CASP2: variants seen among roughly 807,000 people sequenced by gnomAD.
CASP2 encodes caspase-2.
CASP2 carries 38 observed loss-of-function variants against 54.4 expected under a neutral mutation model. That is an observed-to-expected ratio of 0.70 (90% CI 0.54 to 0.92). CASP2 has a LOEUF of 0.92. Among genes scored for constraint, CASP2 ranks in the 40% least tolerant of loss-of-function variants. The probability of loss-of-function intolerance (pLI) is 0.00; values close to 1 mark genes in which losing one functional copy is unlikely to be tolerated. For missense variants in CASP2, 512 were observed against 579.6 expected, an observed-to-expected ratio of 0.88 and a Z score of 1.20; for synonymous variants, 215 against 216.3, an observed-to-expected ratio of 0.99 and a Z score of 0.05.
chr7:143,295,028 CTT>C (rs759124235), intron 6 of CASP2, among the ~76,000 whole-genome samples: 39 of 142,348 alleles, frequency 2.7e-4, no homozygotes, highest in Admixed American at 4.2e-4. Context: ...TGGTGTCTCA[CTT>C]TTTTTTTTTT....
chr7:143,291,536 G>A lies in CASP2; in HGVS notation c.75-4G>A, dbSNP rs771123359. 4 of 1,613,940 alleles carry A rather than the reference G, an allele frequency of 2.5e-6. No homozygotes were observed. The highest frequency in any genetic ancestry group is 3.4e-6 in the Non-Finnish European group (4 of 1,179,938). On this transcript the variant is annotated splice_region_variant and splice_polypyrimidine_tract_variant and intron_variant, in intron 1 of 10. Coordinates refer to ENST00000310447, the MANE Select transcript of CASP2 (RefSeq NM_032982.4). ...CAGCCTTTCCTTCTACCGTTTATCT[G>A]TAGGATATTGGGAGTGTGTGGCATG...
chr7:143,291,365 T>C (rs2116763250), intron 1 of CASP2, among the ~76,000 whole-genome samples, 175 bp from the exon 2 acceptor site: 1 of 152,374 alleles, frequency 6.6e-6, no homozygotes, highest in African/African-American at 2.4e-5. Context: ...TATTTTCTTA[T>C]GATCAATGTG....
Position 143,292,687 on chromosome 7 carries a change from G to C in CASP2, c.464G>C (p.Arg155Pro). The change falls in exon 4 of 11, where the codon CGC becomes CCC. Residue 155 changes from arginine to proline, a missense_variant. Arg to Pro is a moderately radical substitution (Grantham distance 103). Around this residue, in one of 3 missense-constraint regions of CASP2, gnomAD observed 417 missense variants for 495.4 expected, o/e 0.84. Transcript: ENST00000310447. ...CESCPLYKKL[R>P]LSTDTVEHSL... ...TCCTGTCCCCTTTACAAGAAGCTCC[G>C]CCTGTCGACAGGTGAGAATTGATGG... is the stretch of plus-strand genomic sequence containing the variant. 1 of 1,612,418 alleles carries C rather than the reference G, an allele frequency of 6.2e-7. No individual in the cohort carries two copies. The highest frequency in any genetic ancestry group is 1.3e-5 in the African/African-American group (1 of 74,982).
intron 4 of CASP2, chr7:143,293,211 T>C (rs1196781103): frequency 9.7e-6 from 6 of 617,108 alleles, no homozygotes; most frequent in East Asian, 8.6e-5. Context: ...CACTGCAGCG[T>C]TGAACTCCTG....
intron 4 of CASP2, among the ~76,000 whole-genome samples, chr7:143,293,923 A>C (rs1449275905): frequency 6.6e-6 from 1 of 152,214 alleles, no homozygotes; most frequent in Non-Finnish European, 1.5e-5. Flanking sequence ...CTGAATAAGA[A>C]AAGACTACAT....
At chr7:143,296,315 C>T (rs1399035356) in intron 6 of CASP2, among the ~76,000 whole-genome samples, 1 of 152,144 alleles carries the variant, frequency 6.6e-6, no homozygotes, top group African/African-American at 2.4e-5. Flanking sequence ...TAATGGGGGA[C>T]TATGTGAGCT....
At chr7:143,289,152 T>C (rs1168908951) in intron 1 of CASP2, among the ~76,000 whole-genome samples, 2 of 152,174 alleles carry the variant, frequency 1.3e-5, no homozygotes, top group African/African-American at 2.4e-5. Flanking sequence ...TGCCTCCTGC[T>C]CGAGACTGAA....
intron 1 of CASP2, among the ~76,000 whole-genome samples, chr7:143,290,055 C>CTTTTTTTTTTTTTTTTT (rs35440867): frequency 8.7e-6 from 1 of 114,522 alleles, no homozygotes; most frequent in African/African-American, 3.7e-5. Flanking sequence ...TTTTCCCTCC[C>CTTTTTTTTTTTTTTTTT]TTTTTTTTTT....
chr7:143,288,491 C>T lies in CASP2; in HGVS notation c.36C>T (p.Phe12=). Residue 12 remains phenylalanine, a synonymous_variant, in exon 1 of 11, where the codon TTC becomes TTT. Coordinates refer to ENST00000310447, the MANE Select transcript of CASP2 (RefSeq NM_032982.4). ...CGAGCGCGGGGTCTTGGTCCACCTT[C>T]CAGCACAAGGAGCTGATGGCCGCTG... ...AAPSAGSWST[F]QHKELMAADR... 2 of 1,613,368 alleles carry T rather than the reference C, an allele frequency of 1.2e-6. No homozygotes were observed. The highest frequency in any genetic ancestry group is 2.2e-5 in the South Asian group (2 of 91,056).
chr7:143,292,491 G>A (rs1259493124), intron 3 of CASP2, 24 bp downstream of exon 3: 1 of 1,613,676 alleles, frequency 6.2e-7, no homozygotes, highest in Non-Finnish European at 8.5e-7. Context: ...GTAATATGGG[G>A]TGTTGGGAAG....
chr7:143,302,011 C>T (rs1180230595), intron 8 of CASP2: 1 of 152,226 alleles, frequency 6.6e-6, no homozygotes, highest in Non-Finnish European at 1.5e-5. Flanking sequence ...GCTCTATCCC[C>T]AGGCCCAGGG....
rs138576699 is a variant in CASP2, at chr7:143,294,877, G to A, written c.747+104G>A. 261 of 1,082,724 alleles carry A rather than the reference G, an allele frequency of 2.4e-4. 2 individuals carry two copies. In the East Asian group the frequency reaches 5.4e-3, roughly 23 times the overall value. The allele number at this position is 1,082,724 out of a possible 1,614,324, so 67.1% of individuals were successfully genotyped here. ...GTGCCTGCTGGGATATGTCTTAAAA[G>A]TTGGTTTATTCTACTTACATTTTTA... is the stretch of plus-strand genomic sequence containing the variant. On this transcript the variant is annotated intron_variant, in intron 6 of 10. Transcript: ENST00000310447.
chr7:143,297,868 A>T, intron 6 of CASP2, among the ~76,000 whole-genome samples: 1 of 152,348 alleles, frequency 6.6e-6, no homozygotes, highest in African/African-American at 2.4e-5. Context: ...TTCTTGAAAG[A>T]ATTTTTTGAT....
At chr7:143,294,899 T>G in intron 6 of CASP2, 126 bp downstream of exon 6, 1 of 826,570 alleles carries the variant, frequency 1.2e-6, no homozygotes, top group South Asian at 1.4e-5. Flanking sequence ...TACTTACATT[T>G]TTACTCACTC....
At chr7:143,304,178 T>C (rs906680268) in intron 9 of CASP2, among the ~76,000 whole-genome samples, 1 of 152,336 alleles carries the variant, frequency 6.6e-6, no homozygotes, top group Non-Finnish European at 1.5e-5. Context: ...AGCATCATAT[T>C]GGCACTTGGA....
intron 1 of CASP2, among the ~76,000 whole-genome samples, chr7:143,291,305 A>G (rs562488012): frequency 1.3e-5 from 2 of 152,376 alleles, no homozygotes; most frequent in Admixed American, 6.5e-5. Flanking sequence ...TAGTCAGACC[A>G]TTCATCTCAG....
intron 6 of CASP2, among the ~76,000 whole-genome samples, chr7:143,297,417 G>T (rs1317223327): frequency 2.0e-5 from 3 of 152,088 alleles, no homozygotes; most frequent in Non-Finnish European, 4.4e-5. Context: ...AAATGCTCGT[G>T]ATTCGGTGCC....
chr7:143,304,265 G>C (rs1015593641), intron 9 of CASP2, among the ~76,000 whole-genome samples: 5 of 152,124 alleles, frequency 3.3e-5, no homozygotes, highest in Admixed American at 1.3e-4. Context: ...GAAGGTTTGT[G>C]GCAATCCTTT....
In CASP2 at chr7:143,306,004, C is replaced by T; in HGVS notation, c.*933C>T. The T allele has an allele frequency of 6.6e-6, 1 of 152,200 alleles. No individual in the cohort carries two copies. Among genetic ancestry groups the T allele is most frequent in the Non-Finnish European group, 1.5e-5 (1 of 68,064 alleles). 9.4% of individuals were successfully genotyped at this position (152,200 alleles called of 1,614,324 possible). A position where few individuals can be genotyped will look rare whatever the true frequency, so the allele number is the denominator to read the frequency against. On this transcript the variant is annotated 3_prime_UTR_variant, in exon 11 of 11. Coordinates refer to ENST00000310447, the MANE Select transcript of CASP2 (RefSeq NM_032982.4). Reference sequence around the variant, plus strand: ...CTTATCTCCCTGCTTCATATCTCTCCCTTCTTTACCTTCATTTCATCCTGT... The same window carrying T: ...CTTATCTCCCTGCTTCATATCTCTCTCTTCTTTACCTTCATTTCATCCTGT...
Sources: allele counts gnomAD v4.1 joint callset (sites outside exome capture counted in the v4.1 genomes callset), GRCh38; gene constraint gnomAD v4.1.1; regional missense constraint gnomAD v4.1.1; transcripts MANE v1.5; gene names NCBI Gene and HGNC (gene_info 2026-07-23, HGNC 2026-07-21).